The following MGAT3 variants were observed in gnomAD, a reference collection of about 807,000 sequenced individuals.
MGAT3 encodes the protein GlcNAc-T III.
In MGAT3, 9 loss-of-function variants were observed where a neutral mutation model predicts 29.8. The observed-to-expected ratio is 0.30, with a 90% CI of 0.18 to 0.53. MGAT3 has a LOEUF of 0.53. MGAT3 is among the 20% of genes least tolerant of loss of function. The pLI, the probability that MGAT3 is intolerant of heterozygous loss-of-function variation, is 0.96. For synonymous variants in MGAT3, 397 were observed against 348.9 expected (o/e 1.14, Z -1.54); for missense variants, 557 against 769.5 (o/e 0.72, Z 3.27).
chr22:39,486,951 C>A (rs1929289946), intron 1 of MGAT3, among the ~76,000 whole-genome samples: 1 of 152,222 alleles, frequency 6.6e-6, no homozygotes, highest in Non-Finnish European at 1.5e-5. Context: ...CAGCCTACAG[C>A]CTGCTCTCCC....
intron 1 of MGAT3, among the ~76,000 whole-genome samples, chr22:39,459,083 T>C (rs111505755): frequency 0.74 from 108,478 of 146,668 alleles, 40,329 homozygotes; most frequent in East Asian, 1. Context: ...TTTTTTTTTT[T>C]TTTTTTTTGA....
intron 1 of MGAT3, among the ~76,000 whole-genome samples, chr22:39,459,104 C>T (rs1460977022): frequency 6.7e-6 from 1 of 148,298 alleles, no homozygotes; most frequent in African/African-American, 2.6e-5. Flanking sequence ...GATGGAGCCT[C>T]ACTCTGTCGC....
At chr22:39,462,513 T>G in intron 1 of MGAT3, among the ~76,000 whole-genome samples, 1 of 152,158 alleles carries the variant, frequency 6.6e-6, no homozygotes, top group African/African-American at 2.4e-5. Context: ...GGACTGACCC[T>G]CCAGAGGGCA....
chr22:39,470,038 C>T (rs1436709277), intron 1 of MGAT3, among the ~76,000 whole-genome samples: 2 of 152,268 alleles, frequency 1.3e-5, no homozygotes, highest in African/African-American at 2.4e-5. Context: ...TGTTCCATGT[C>T]ATCCAGCAGC....
At chr22:39,470,191 G>A (rs1011449277) in intron 1 of MGAT3, among the ~76,000 whole-genome samples, 1 of 152,180 alleles carries the variant, frequency 6.6e-6, no homozygotes, top group Non-Finnish European at 1.5e-5. Flanking sequence ...AAGTGGGATC[G>A]CCTCTGCAGG....
chr22:39,471,233 G>A (rs1323360615), intron 1 of MGAT3, among the ~76,000 whole-genome samples: 2 of 152,154 alleles, frequency 1.3e-5, no homozygotes, highest in Non-Finnish European at 2.9e-5. Flanking sequence ...GATGGTCTGG[G>A]GCAGTTTGTT....
At chr22:39,464,927 T>C (rs1568999346) in intron 1 of MGAT3, among the ~76,000 whole-genome samples, 1 of 151,626 alleles carries the variant, frequency 6.6e-6, no homozygotes, top group Non-Finnish European at 1.5e-5. Flanking sequence ...ATTTTTTTTT[T>C]CGTATTTTTA....
chr22:39,484,438 T>A (rs530004145), intron 1 of MGAT3, among the ~76,000 whole-genome samples: 1 of 152,230 alleles, frequency 6.6e-6, no homozygotes, highest in East Asian at 1.9e-4. Context: ...AGTGGTGCGA[T>A]CTCGGCTCAC....
At chr22:39,463,437 A>G (rs750205237) in intron 1 of MGAT3, among the ~76,000 whole-genome samples, 2 of 152,200 alleles carry the variant, frequency 1.3e-5, no homozygotes, top group Non-Finnish European at 2.9e-5. Context: ...GCCCTGAGAC[A>G]GCCATCACTT....
chr22:39,481,712 G>A (rs1929131315), intron 1 of MGAT3, among the ~76,000 whole-genome samples: 1 of 152,208 alleles, frequency 6.6e-6, no homozygotes, highest in Admixed American at 6.5e-5. Context: ...AAGGGGCTCA[G>A]GACAGCTTTA....
At chr22:39,458,259 T>C (rs1330073895) in intron 1 of MGAT3, among the ~76,000 whole-genome samples, 2 of 151,542 alleles carry the variant, frequency 1.3e-5, no homozygotes, top group Non-Finnish European at 2.9e-5. Flanking sequence ...GGTGTGTGTA[T>C]GGTGGGGTTC....
intron 1 of MGAT3, among the ~76,000 whole-genome samples, chr22:39,465,195 G>A (rs1911196779): frequency 6.6e-6 from 1 of 152,210 alleles, no homozygotes; most frequent in Non-Finnish European, 1.5e-5. Context: ...TGGGGGCAGG[G>A]GAAGAGGGAG....
In MGAT3 at chr22:39,461,413, G is replaced by A. The variant is rs146454608; in HGVS notation, c.-2+3856G>A. On this transcript the variant is annotated intron_variant, in intron 1 of 1. Transcript: ENST00000341184. ...ACGGAGAGCTTCTGGTGTCCTCCCC[G>A]TCCTGAGACCCTTTGCACCCCTGAC... 6.0e-3 allele frequency among the ~76,000 whole-genome samples: 908 copies of A among 152,210 alleles called. 4 individuals are homozygous for A. The highest frequency in any genetic ancestry group is 0.014 in the Middle Eastern group (4 of 294).
chr22:39,485,768 G>A (rs1188276912), intron 1 of MGAT3, among the ~76,000 whole-genome samples: 3 of 152,004 alleles, frequency 2.0e-5, no homozygotes, highest in Non-Finnish European at 4.4e-5. Context: ...CAGCCTGGGC[G>A]ACAGAGCAAG....
chr22:39,486,195 T>A (rs1341926264), intron 1 of MGAT3: 11 of 423,228 alleles, frequency 2.6e-5, no homozygotes, highest in Non-Finnish European at 5.1e-5. Flanking sequence ...ACCCAGGTTC[T>A]GGAGTGCAAT....
At chr22:39,478,451 G>A (rs1022265285) in intron 1 of MGAT3, among the ~76,000 whole-genome samples, 9 of 152,258 alleles carry the variant, frequency 5.9e-5, no homozygotes, top group Non-Finnish European at 1.5e-5. Context: ...TGAGGGGCAG[G>A]CGGAGAAGGG....
At chr22:39,463,251 T>G (rs1928546971) in intron 1 of MGAT3, among the ~76,000 whole-genome samples, 1 of 152,230 alleles carries the variant, frequency 6.6e-6, no homozygotes, top group South Asian at 2.1e-4. Context: ...AGCACTATTA[T>G]CATCCCTGTT....
intron 1 of MGAT3, among the ~76,000 whole-genome samples, chr22:39,465,705 G>T (rs1249015960): frequency 6.6e-6 from 1 of 152,098 alleles, no homozygotes; most frequent in African/African-American, 2.4e-5. Flanking sequence ...GCCGAGGGGG[G>T]TGGATCACCA....
chr22:39,483,129 C>A (rs1047240945), intron 1 of MGAT3, among the ~76,000 whole-genome samples: 3 of 152,216 alleles, frequency 2.0e-5, no homozygotes, highest in Non-Finnish European at 4.4e-5. Context: ...CCAGGCCATG[C>A]CTGCCACATA....
Sources: allele counts gnomAD v4.1 joint callset (sites outside exome capture counted in the v4.1 genomes callset), GRCh38; gene constraint gnomAD v4.1.1; transcripts MANE v1.5; gene names NCBI Gene and HGNC (gene_info 2026-07-23, HGNC 2026-07-21).